B3GALNT2: variants seen among roughly 807,000 people sequenced by gnomAD.
The protein encoded by B3GALNT2 is UDP-GalNAc:beta-1,3-N-acetylgalactosaminyltransferase 2.
A neutral mutation model predicts 61.1 loss-of-function variants in B3GALNT2; 53 were observed. The observed-to-expected ratio is 0.87, with a 90% CI of 0.70 to 1.09. The LOEUF is 1.09. Among genes scored for constraint, B3GALNT2 ranks in the 50% least tolerant of loss-of-function variants. The pLI is 0.00. For missense variants in B3GALNT2, 544 were observed against 623.0 expected (o/e 0.87, Z 1.35); for synonymous variants, 223 against 237.4 (o/e 0.94, Z 0.56).
chr1:235,440,188 T>C, the B3GALNT2 span, among the ~76,000 whole-genome samples: 1 of 152,110 alleles, frequency 6.6e-6, no homozygotes, highest in Admixed American at 6.5e-5. Context: ...GCCAGGATGG[T>C]CTCGATCTCC....
intron 11 of B3GALNT2, chr1:235,451,472 C>CAAAAAAAAAAAAAAAAAAAAAAAA (rs11464279): frequency 1.2e-5 from 1 of 83,064 alleles, no homozygotes; most frequent in Non-Finnish European, 2.3e-5. Flanking sequence ...GAGATGGTCA[C>CAAAAAAAAAAAAAAAAAAAAAAAA]AAAAAAAAAA....
At chr1:235,480,195 C>T in intron 4 of B3GALNT2, 46 bp from the exon 5 acceptor site, 1 of 1,605,838 alleles carries the variant, frequency 6.2e-7, no homozygotes, top group Non-Finnish European at 8.5e-7. Flanking sequence ...TCATGTTATA[C>T]ATTGCATATG....
chr1:235,495,603 T>G (rs950418375), intron 1 of B3GALNT2, among the ~76,000 whole-genome samples: 4 of 152,074 alleles, frequency 2.6e-5, no homozygotes, highest in Non-Finnish European at 5.9e-5. Context: ...TGTCAGAAGG[T>G]CTAATGGGCA....
chr1:235,502,619 T>G (rs575803861), intron 1 of B3GALNT2, among the ~76,000 whole-genome samples: 3 of 152,332 alleles, frequency 2.0e-5, no homozygotes, highest in African/African-American at 7.2e-5. Context: ...ATCCTTCAAG[T>G]GCAGTAAGGG....
chr1:235,504,224 G>A lies in B3GALNT2; in HGVS notation c.29C>T (p.Pro10Leu). 1 of 1,474,644 alleles carries A rather than the reference G, an allele frequency of 6.8e-7. No individual in the cohort carries two copies. Among genetic ancestry groups the A allele is most frequent in the Non-Finnish European group, 8.9e-7 (1 of 1,119,562 alleles). 91.3% of individuals were successfully genotyped at this position (1,474,644 alleles called of 1,614,324 possible). Residue 10 changes from proline (P) to leucine (L), a missense_variant, in exon 1 of 12, where the codon CCG (proline) becomes CTG (leucine). Physicochemically the swap from Pro to Leu is moderately conservative, Grantham distance 98. Coordinates refer to ENST00000366600, the MANE Select transcript of B3GALNT2 (RefSeq NM_152490.5). ...GTGCAGCGCGGCCCCGAGCACACACGGGCACAGCAGCACCAGCCAGTTTCG... is the reference window on the plus strand; with the variant it reads ...GTGCAGCGCGGCCCCGAGCACACACAGGCACAGCAGCACCAGCCAGTTTCG... MRNWLVLLCPCVLGAALHLW... is the reference protein window; with the variant it reads MRNWLVLLCLCVLGAALHLW...
At chr1:235,504,083 C>T (rs1685715432) in intron 1 of B3GALNT2, 58 bp downstream of exon 1, 3 of 1,200,220 alleles carry the variant, frequency 2.5e-6, no homozygotes, top group Non-Finnish European at 3.1e-6. Context: ...CCCGCGGCAC[C>T]AAGCCGGGCC....
intron 6 of B3GALNT2, among the ~76,000 whole-genome samples, chr1:235,467,009 GAAC>G (rs1272665865): frequency 2.0e-5 from 3 of 152,170 alleles, no homozygotes; most frequent in Non-Finnish European, 4.4e-5. Flanking sequence ...AAGGCCAGTA[GAAC>G]AAGTAATCTG....
chr1:235,448,369 G>A lies in B3GALNT2; in HGVS notation c.*1837C>T, dbSNP rs764165783. ...GATAGGCTCCATGACAATTCAAAAGGTGAAGGGATTGCTGTCACGTCTTCT... is the reference window on the plus strand; with the variant it reads ...GATAGGCTCCATGACAATTCAAAAGATGAAGGGATTGCTGTCACGTCTTCT... On this transcript the variant is annotated 3_prime_UTR_variant, in exon 12 of 12. Transcript: ENST00000366600. The A allele has an allele frequency of 1.2e-6, 2 of 1,614,136 alleles. No individual in the cohort carries two copies. Among genetic ancestry groups the A allele is most frequent in the South Asian group, 2.2e-5 (2 of 91,090 alleles).
At chr1:235,450,478 T>C (rs2102963042) in intron 11 of B3GALNT2, 138 bp from the exon 12 acceptor site, 3 of 1,103,062 alleles carry the variant, frequency 2.7e-6, no homozygotes, top group East Asian at 2.5e-5. Context: ...GTGGAACAAC[T>C]GGTGAGGTTT....
chr1:235,458,537 C>T, intron 8 of B3GALNT2, 66 bp downstream of exon 8: 1 of 1,517,974 alleles, frequency 6.6e-7, no homozygotes, highest in Non-Finnish European at 8.8e-7. Flanking sequence ...TAGTAAGACC[C>T]CATCTCAAAA....
At chr1:235,454,628 C>T (rs1286070307) in intron 9 of B3GALNT2, among the ~76,000 whole-genome samples, 2 of 151,236 alleles carry the variant, frequency 1.3e-5, no homozygotes, top group African/African-American at 4.9e-5. Context: ...TTAGTAGAGA[C>T]AGGGTTTTGC....
Position 235,480,076 on chromosome 1 carries a change from A to C in B3GALNT2, c.629T>G (p.Val210Gly), listed in dbSNP as rs754911016. ...VQVNKLWYKPVEQFILPESFE... is the reference protein window; with the variant it reads ...VQVNKLWYKPGEQFILPESFE... ...TACCTCTGGTAAGATGAATTGTTCC[A>C]CGGGCTTGTACCACAGCTTGTTCAC... Residue 210 changes from valine to glycine, a missense_variant, in exon 5 of 12, where the codon GTG becomes GGG. Transcript: ENST00000366600. The C allele has an allele frequency of 1.2e-6, 2 of 1,613,886 alleles. No homozygotes were observed. Among genetic ancestry groups the C allele is most frequent in the Non-Finnish European group, 1.7e-6 (2 of 1,179,814 alleles).
intron 8 of B3GALNT2, among the ~76,000 whole-genome samples, chr1:235,457,256 G>C (rs529814229): frequency 6.6e-6 from 1 of 152,128 alleles, no homozygotes; most frequent in South Asian, 2.1e-4. Context: ...CTCTGCCTAG[G>C]GCAACAGAGA....
intron 1 of B3GALNT2, among the ~76,000 whole-genome samples, chr1:235,497,278 AGG>A (rs1376793372): frequency 6.6e-6 from 1 of 152,206 alleles, no homozygotes; most frequent in Non-Finnish European, 1.5e-5. Context: ...GTCAGGAAGG[AGG>A]CAAAACAAAG....
At chr1:235,460,117 T>C (rs1683351636) in intron 7 of B3GALNT2, among the ~76,000 whole-genome samples, 1 of 64,292 alleles carries the variant, frequency 1.6e-5, no homozygotes, top group Non-Finnish European at 3.2e-5. Flanking sequence ...TCTTTCCTCT[T>C]TCTTTTTTGT....
At chr1:235,456,156 T>C (rs542721006) in intron 8 of B3GALNT2, among the ~76,000 whole-genome samples, 1 of 152,368 alleles carries the variant, frequency 6.6e-6, no homozygotes, top group Admixed American at 6.5e-5. Context: ...CAAAATATTT[T>C]ATGGCTTAAA....
intron 5 of B3GALNT2, chr1:235,479,690 T>C (rs1421640363): frequency 1.2e-5 from 2 of 164,904 alleles, no homozygotes; most frequent in African/African-American, 2.4e-5. Context: ...TTTCATTCTT[T>C]AGATAAGCAA....
intron 4 of B3GALNT2, 94 bp downstream of exon 4, chr1:235,484,224 TTATA>T: frequency 1.4e-6 from 2 of 1,456,770 alleles, no homozygotes; most frequent in East Asian, 2.4e-5. Context: ...CCAGAGAGAA[TTATA>T]TAGTCTTCCA....
chr1:235,448,662 A>AATT lies in B3GALNT2; in HGVS notation c.*1541_*1543dup. 1.9e-6 allele frequency: 3 copies of AATT among 1,611,960 alleles called. No individual in the cohort carries two copies. Among genetic ancestry groups the AATT allele is most frequent in the Non-Finnish European group, 2.5e-6 (3 of 1,178,086 alleles). ...TCACATCCTTCCCCACCTTCGTTCT[A>AATT]ATTTTAGAAGCCGGGCAGAGAAATC... On this transcript the variant is annotated 3_prime_UTR_variant, in exon 12 of 12. Coordinates refer to ENST00000366600, the MANE Select transcript of B3GALNT2 (RefSeq NM_152490.5).
Sources: gnomAD v4.1 joint callset for allele counts (sites outside exome capture counted in the v4.1 genomes callset) on GRCh38, gnomAD v4.1.1 for gene constraint, MANE v1.5 for transcripts, NCBI Gene and HGNC (gene_info 2026-07-23, HGNC 2026-07-21) for gene names.